The following TFAP2E variants were observed in gnomAD, a reference collection of about 807,000 sequenced individuals.
TFAP2E encodes the protein transcription factor AP-2 epsilon.
Under a neutral mutation model 37.9 loss-of-function variants are expected in TFAP2E, and 30 were observed. That is an observed-to-expected ratio of 0.79 (90% confidence interval 0.59 to 1.07). The LOEUF (loss-of-function observed/expected upper bound fraction) is 1.07. Ranked by LOEUF, TFAP2E falls within the 50% of genes least tolerant of loss-of-function variation. TFAP2E has a pLI of 0.00. For missense variants in TFAP2E, 567 were observed against 637.9 expected, an observed-to-expected ratio of 0.89 and a Z score of 1.20; for synonymous variants, 318 against 295.8, an observed-to-expected ratio of 1.08 and a Z score of -0.77.
chr1:35,578,817 C>A (rs1649259452), intron 3 of TFAP2E, among the ~76,000 whole-genome samples: 1 of 152,004 alleles, frequency 6.6e-6, no homozygotes, highest in Admixed American at 6.6e-5. Flanking sequence ...ATAGGCCGGG[C>A]GCAGTGGCTC....
chr1:35,593,011 GA>G (rs1649733410), intron 6 of TFAP2E, among the ~76,000 whole-genome samples: 1 of 152,122 alleles, frequency 6.6e-6, no homozygotes, highest in Admixed American at 6.6e-5. Context: ...CCCACTGCAA[GA>G]AAAGACAGAG....
At chr1:35,592,972 G>A (rs1649732426) in intron 6 of TFAP2E, among the ~76,000 whole-genome samples, 1 of 152,054 alleles carries the variant, frequency 6.6e-6, no homozygotes, top group African/African-American at 2.4e-5. Context: ...ACGAATTTTG[G>A]GGAACATAAG....
chr1:35,578,090 G>T (rs1473014782), intron 3 of TFAP2E, among the ~76,000 whole-genome samples: 2 of 152,172 alleles, frequency 1.3e-5, no homozygotes, highest in Non-Finnish European at 2.9e-5. Flanking sequence ...GCCTAGAGGG[G>T]AGATAGTTGA....
chr1:35,590,930 G>A lies in TFAP2E; in HGVS notation c.1046+155G>A, dbSNP rs896358417. ...ACGAGCAGTGGGCACACACACATAC[G>A]TGCGCACCACTGTGTACATCAGCAG... On this transcript the variant is annotated intron_variant, in intron 6 of 6. Coordinates refer to ENST00000373235, the MANE Select transcript of TFAP2E (RefSeq NM_178548.4). This position sits in a 1 kb window ranked among gnomAD's most constrained non-coding sequence, Gnocchi z 6.2. Among the ~76,000 whole-genome samples the A allele has an allele frequency of 2.6e-5, 4 of 151,562 alleles. No individual in the cohort carries two copies. Among genetic ancestry groups the A allele is most frequent in the East Asian group, 3.9e-4 (2 of 5,166 alleles).
chr1:35,580,070 C>T (rs1183064196), intron 3 of TFAP2E, among the ~76,000 whole-genome samples: 1 of 151,758 alleles, frequency 6.6e-6, no homozygotes, highest in Non-Finnish European at 1.5e-5. Flanking sequence ...ATTAGCCAGG[C>T]ATGGTGGTGC....
chr1:35,573,695 A>C lies in TFAP2E; in HGVS notation c.27+91A>C. On this transcript the variant is annotated intron_variant, in intron 1 of 6. Transcript: ENST00000373235. The surrounding 1 kb of genome is among the most constrained non-coding windows in gnomAD (Gnocchi z 5.9). ...CAACCCTCCTGTCCCGCGCTAACGAAATCTCGGAGGGAGGGGGCCGCAGGG... is the reference window on the plus strand; with the variant it reads ...CAACCCTCCTGTCCCGCGCTAACGACATCTCGGAGGGAGGGGGCCGCAGGG... 1 of 1,494,488 alleles carries C rather than the reference A, an allele frequency of 6.7e-7. No individual in the cohort carries two copies. Among genetic ancestry groups the C allele is most frequent in the Non-Finnish European group, 8.9e-7 (1 of 1,117,532 alleles). 92.6% of individuals were successfully genotyped at this position (1,494,488 alleles called of 1,614,324 possible).
In TFAP2E at chr1:35,573,823, G is replaced by A; in HGVS notation, c.28-104G>A. The A allele has an allele frequency of 1.4e-6, 2 of 1,383,314 alleles. No homozygotes were observed. Among genetic ancestry groups the A allele is most frequent in the Non-Finnish European group, 9.4e-7 (1 of 1,068,816 alleles). 85.7% of individuals were successfully genotyped at this position (1,383,314 alleles called of 1,614,324 possible). On this transcript the variant is annotated intron_variant, in intron 1 of 6. Transcript: ENST00000373235. This position sits in a 1 kb window ranked among gnomAD's most constrained non-coding sequence, Gnocchi z 5.9. The stretch of plus-strand genomic sequence containing the variant: ...AAATAAACCTCGGGCCCCAAGAAAC[G>A]GGAGGGACTGCAGCTGAACCCTCCC...
intron 3 of TFAP2E, among the ~76,000 whole-genome samples, chr1:35,583,933 A>G (rs1396560257): frequency 6.6e-6 from 1 of 152,142 alleles, no homozygotes; most frequent in East Asian, 1.9e-4. Context: ...CACATGAGCA[A>G]TGTCATCTCT....
Position 35,574,416 on chromosome 1 carries a change from C to T in TFAP2E, c.510+7C>T, listed in dbSNP as rs1410324241. 17 of 1,411,614 alleles carry T rather than the reference C, an allele frequency of 1.2e-5. No homozygotes were observed. In the South Asian group the frequency reaches 2.6e-4, roughly 22 times the overall value. 87.4% of individuals were successfully genotyped at this position (1,411,614 alleles called of 1,614,324 possible). A position where few individuals can be genotyped will look rare whatever the true frequency, so the allele number is the denominator to read the frequency against. On this transcript the variant is annotated splice_region_variant and intron_variant, in intron 2 of 6. Coordinates refer to ENST00000373235, the MANE Select transcript of TFAP2E (RefSeq NM_178548.4). Reference sequence around the variant, plus strand: ...CGGTCTGGAGGACCTGCAGGTGAGACCCGAGGGATCCGGGATGGGTCGGGA... The same window carrying T: ...CGGTCTGGAGGACCTGCAGGTGAGATCCGAGGGATCCGGGATGGGTCGGGA...
intron 2 of TFAP2E, 144 bp downstream of exon 2, chr1:35,574,553 C>T (rs74543439): frequency 7.6e-7 from 1 of 1,321,706 alleles, no homozygotes; most frequent in Non-Finnish European, 9.9e-7. Flanking sequence ...ATGTGTCCCA[C>T]CTCCTGGGTT....
At position 35,590,173 on chromosome 1, in the gene TFAP2E, A is replaced by G; in HGVS notation, c.904+125A>G. ...TGTGTATCCGTGTAAGTGTTGCAGT[A>G]TCTGTGTGCGTATTCTCTGTCATGT... On this transcript the variant is annotated intron_variant, in intron 5 of 6. Transcript: ENST00000373235. This position sits in a 1 kb window ranked among gnomAD's most constrained non-coding sequence, Gnocchi z 6.2. 4.6e-6 allele frequency: 4 copies of G among 868,888 alleles called. No homozygotes were observed. The highest frequency in any genetic ancestry group is 7.5e-6 in the Non-Finnish European group (4 of 532,780). The allele number at this position is 868,888 out of a possible 1,614,324, so 53.8% of individuals were successfully genotyped here.
At chr1:35,574,903 G>T (rs201902680) in intron 2 of TFAP2E, 46 bp from the exon 3 acceptor site, 3 of 1,613,174 alleles carry the variant, frequency 1.9e-6, no homozygotes, top group Non-Finnish European at 2.5e-6. Context: ...AGACATGGGC[G>T]GCTAGGGCTT....
chr1:35,573,647 G>A lies in TFAP2E; in HGVS notation c.27+43G>A, dbSNP rs576080104. The A allele has an allele frequency of 7.8e-5, 120 of 1,536,024 alleles. 1 individual carries two copies. The South Asian group carries it at 1.3e-3, about 17-fold the overall frequency. On this transcript the variant is annotated intron_variant, in intron 1 of 6. Coordinates refer to ENST00000373235, the MANE Select transcript of TFAP2E (RefSeq NM_178548.4). The surrounding 1 kb of genome is among the most constrained non-coding windows in gnomAD (Gnocchi z 5.9). ...CGGGACATATTCGGCCGGGGGATCG[G>A]GGCGCCTGAGTGCTGGACTTTCCAA... is the stretch of plus-strand genomic sequence containing the variant.
intron 3 of TFAP2E, among the ~76,000 whole-genome samples, chr1:35,582,508 C>CTTT (rs749452012): frequency 7.7e-6 from 1 of 129,758 alleles, no homozygotes. Context: ...TAAAAATTAT[C>CTTT]TTTTTTTTTT....
At position 35,574,323 on chromosome 1, in the gene TFAP2E, G is replaced by T. The variant is rs552087869; in HGVS notation, c.424G>T (p.Gly142Cys). The change falls in exon 2 of 7, where the codon GGC becomes TGC. Residue 142 changes from glycine to cysteine, a missense_variant. By Grantham distance (159) the Gly-to-Cys change is radical. This residue lies in a region of TFAP2E where 312 missense variants were observed against 317.4 expected (regional missense o/e 0.98). Transcript: ENST00000373235. ...YATAVPRLLH[G>C]LADGAHGLAD... ...CACTGCCGTGCCCCGGCTCCTGCAC[G>T]GCCTGGCCGACGGCGCGCACGGCCT... 6.5e-5 allele frequency: 94 copies of T among 1,451,440 alleles called. No individual in the cohort carries two copies. The East Asian group carries it at 2.4e-3, about 38-fold the overall frequency. 89.9% of individuals were successfully genotyped at this position (1,451,440 alleles called of 1,614,324 possible).
At chr1:35,574,437 C>A in intron 2 of TFAP2E, 28 bp downstream of exon 2, 2 of 1,378,410 alleles carry the variant, frequency 1.5e-6, no homozygotes, top group South Asian at 3.3e-5. Flanking sequence ...CGGGATGGGT[C>A]GGGACTGGCC....
chr1:35,591,617 G>C (rs1165824562), intron 6 of TFAP2E, among the ~76,000 whole-genome samples: 1 of 152,216 alleles, frequency 6.6e-6, no homozygotes, highest in Non-Finnish European at 1.5e-5. Context: ...CCGCTGCATT[G>C]ATTTTCAAAC....
At position 35,594,914 on chromosome 1, in the gene TFAP2E, C is replaced by T. The variant is rs1368082880; in HGVS notation, c.*238C>T. ...TGTCTCATGTGTGCAATTTTCTGAC[C>T]TTTGATGGTTGAGAAGGGTTTGGAC... On this transcript the variant is annotated 3_prime_UTR_variant, in exon 7 of 7. Coordinates refer to ENST00000373235, the MANE Select transcript of TFAP2E (RefSeq NM_178548.4). The T allele has an allele frequency of 3.4e-6, 2 of 585,138 alleles. No individual in the cohort carries two copies. The highest frequency in any genetic ancestry group is 2.3e-5 in the South Asian group (1 of 44,076). 36.2% of individuals were successfully genotyped at this position (585,138 alleles called of 1,614,324 possible). A position where few individuals can be genotyped will look rare whatever the true frequency, so the allele number is the denominator to read the frequency against.
chr1:35,590,021 G>C lies in TFAP2E; in HGVS notation c.877G>C (p.Val293Leu), dbSNP rs1384890811. The change falls in exon 5 of 7, where the codon GTG (valine) becomes CTG (leucine). Residue 293 changes from valine (V) to leucine (L), a missense_variant. This residue lies in a region of TFAP2E where 252 missense variants were observed against 302.6 expected (regional missense o/e 0.83). Transcript: ENST00000373235. This position sits in a 1 kb window ranked among gnomAD's most constrained non-coding sequence, Gnocchi z 6.2. ...AGCTGGCCGTCGCAAGGCCGCCAAT[G>C]TGACGCTGCTGACTTCGCTAGTGGA... is the stretch of plus-strand genomic sequence containing the variant. ...LPAGRRKAAN[V>L]TLLTSLVEGE... 74 of 1,614,140 alleles carry C rather than the reference G, an allele frequency of 4.6e-5. No individual in the cohort carries two copies. The highest frequency in any genetic ancestry group is 6.3e-5 in the Non-Finnish European group (74 of 1,179,994).
Sources: allele counts gnomAD v4.1 joint callset (sites outside exome capture counted in the v4.1 genomes callset), GRCh38; gene constraint gnomAD v4.1.1; regional missense constraint gnomAD v4.1.1; non-coding constraint Gnocchi (gnomAD v3.1); transcripts MANE v1.5; gene names NCBI Gene and HGNC (gene_info 2026-07-23, HGNC 2026-07-21).